FBLN5: variants seen among roughly 807,000 people sequenced by gnomAD.
FBLN5 encodes fibulin 5, also known as fibulin-5.
FBLN5 carries 24 observed loss-of-function variants against 61.6 expected under a neutral mutation model. That is an observed-to-expected ratio of 0.39 (90% CI 0.28 to 0.55). The LOEUF (loss-of-function observed/expected upper bound fraction) is 0.55. FBLN5 is among the 20% of genes least tolerant of loss of function. The pLI is 0.65. For missense variants in FBLN5, 470 were observed against 594.1 expected, an observed-to-expected ratio of 0.79 and a Z score of 2.17; for synonymous variants, 213 against 219.8, an observed-to-expected ratio of 0.97 and a Z score of 0.27.
At chr14:91,921,584 G>A (rs925200249) in intron 4 of FBLN5, among the ~76,000 whole-genome samples, 2 of 152,160 alleles carry the variant, frequency 1.3e-5, no homozygotes, top group Non-Finnish European at 1.5e-5. Context: ...TCAGAAACTC[G>A]GCAGCAATCT....
chr14:91,881,515 C>T (rs1185864023), intron 8 of FBLN5, 97 bp from the exon 9 acceptor site: 166 of 1,358,432 alleles, frequency 1.2e-4, no homozygotes. Context: ...CAGAGCTGTA[C>T]TATCCAATAT....
At chr14:91,925,606 T>C (rs2140030306) in intron 4 of FBLN5, among the ~76,000 whole-genome samples, 1 of 152,266 alleles carries the variant, frequency 6.6e-6, no homozygotes, top group African/African-American at 2.4e-5. Context: ...GTCTCCCCCA[T>C]GGCAGGAAAA....
At chr14:91,891,888 A>AAG (rs1318955236) in intron 5 of FBLN5, among the ~76,000 whole-genome samples, 2 of 152,226 alleles carry the variant, frequency 1.3e-5, no homozygotes, top group African/African-American at 4.8e-5. Context: ...TGTCAGGAAC[A>AAG]AGAGCCAGTT....
At chr14:91,898,796 C>CTTTTTTTTTTTTTTTT (rs35840279) in intron 4 of FBLN5, among the ~76,000 whole-genome samples, 1 of 84,242 alleles carries the variant, frequency 1.2e-5, no homozygotes, top group South Asian at 4.3e-4. Context: ...TTCATTCATT[C>CTTTTTTTTTTTTTTTT]TTTTTTTTTT....
Position 91,947,041 on chromosome 14 carries a change from A to T in FBLN5, c.17+172T>A. 1 of 1,535,026 alleles carries T rather than the reference A, an allele frequency of 6.5e-7. No individual in the cohort carries two copies. The highest frequency in any genetic ancestry group is 2.5e-5 in the East Asian group (1 of 40,802). On this transcript the variant is annotated intron_variant, in intron 1 of 10. Coordinates refer to ENST00000342058, the MANE Select transcript of FBLN5 (RefSeq NM_006329.4). This position sits in a 1 kb window ranked among gnomAD's most constrained non-coding sequence, Gnocchi z 4.3. ...TCCCAAAAGAACGCTTCAAGATGGAAATTACAGAGGCGCAGCTTTTTATAA... is the reference window on the plus strand; with the variant it reads ...TCCCAAAAGAACGCTTCAAGATGGATATTACAGAGGCGCAGCTTTTTATAA...
Position 91,937,069 on chromosome 14 carries a change from G to GTCGAGTAGGGGT in FBLN5, c.245_256dup (p.Asn82_Ser85dup). On this transcript the variant is annotated inframe_insertion, in exon 4 of 11. Coordinates refer to ENST00000342058, the MANE Select transcript of FBLN5 (RefSeq NM_006329.4). ...TGCTGGGTACGGACCTGAGTAGGGG[G>GTCGAGTAGGGGT]TCGAGTAGGGGTTCGAGTAGGGCCC... 1 of 1,613,974 alleles carries GTCGAGTAGGGGT rather than the reference G, an allele frequency of 6.2e-7. No individual in the cohort carries two copies.
intron 4 of FBLN5, among the ~76,000 whole-genome samples, chr14:91,929,627 T>C (rs2055890607): frequency 1.3e-5 from 2 of 152,262 alleles, no homozygotes; most frequent in Admixed American, 6.5e-5. Context: ...ATCATTTCTT[T>C]CCAGTTTGTG....
chr14:91,898,606 G>C (rs530010052), intron 4 of FBLN5, among the ~76,000 whole-genome samples: 2 of 152,028 alleles, frequency 1.3e-5, no homozygotes, highest in Admixed American at 1.3e-4. Context: ...TCTTTGGCAG[G>C]GCCTCCCTTT....
intron 4 of FBLN5, among the ~76,000 whole-genome samples, chr14:91,930,723 C>T (rs1306227961): frequency 2.0e-5 from 3 of 152,146 alleles, no homozygotes; most frequent in Non-Finnish European, 4.4e-5. Flanking sequence ...TTCCTACTTG[C>T]CCCGGCCTTT....
Position 91,894,936 on chromosome 14 carries a change from C to CA in FBLN5, c.502+13dup. On this transcript the variant is annotated intron_variant, in intron 5 of 10. Coordinates refer to ENST00000342058, the MANE Select transcript of FBLN5 (RefSeq NM_006329.4). ...CTTCCAAGAGTCCCTGTGACCCCCCCAGAGAGCTGTTACCTAAGCACTGGC... is the reference window on the plus strand; with the variant it reads ...CTTCCAAGAGTCCCTGTGACCCCCCCAAGAGAGCTGTTACCTAAGCACTGGC... 6.2e-7 allele frequency: 1 copy of CA among 1,613,478 alleles called. No homozygotes were observed. Among genetic ancestry groups the CA allele is most frequent in the Non-Finnish European group, 8.5e-7 (1 of 1,179,642 alleles).
intron 2 of FBLN5, among the ~76,000 whole-genome samples, chr14:91,941,806 T>C (rs2056109567): frequency 1.3e-5 from 2 of 152,042 alleles, no homozygotes; most frequent in Non-Finnish European, 2.9e-5. Context: ...TAGTTCAAAA[T>C]GGTGGTAAGG....
rs1044465 is a variant in FBLN5, at chr14:91,895,023, G to C, written c.429C>G (p.Ile143Met). The change falls in exon 5 of 11, where the codon ATC becomes ATG. Residue 143 changes from isoleucine to methionine, a missense_variant. Transcript: ENST00000342058. The stretch of plus-strand genomic sequence containing the variant: ...TGTACCCGCCTTCAGTATTGATGCA[G>C]ATCTGGGTGGGGTTGCACTGGTGGG... ...TDSHQCNPTQ[I>M]CINTEGGYTC... 6.2e-7 allele frequency: 1 copy of C among 1,614,028 alleles called. No individual in the cohort carries two copies. Among genetic ancestry groups the C allele is most frequent in the Non-Finnish European group, 8.5e-7 (1 of 1,179,998 alleles).
chr14:91,934,756 C>T (rs570124427), intron 4 of FBLN5, among the ~76,000 whole-genome samples: 118 of 152,128 alleles, frequency 7.8e-4, no homozygotes, highest in Admixed American at 1.4e-3. Context: ...TCTCAATGAT[C>T]CCCCCATCTG....
intron 4 of FBLN5, among the ~76,000 whole-genome samples, chr14:91,895,339 T>A (rs980111925): frequency 2.6e-5 from 4 of 152,246 alleles, no homozygotes; most frequent in African/African-American, 9.6e-5. Context: ...TGCCATCCTA[T>A]GCCATTGCTC....
intron 4 of FBLN5, among the ~76,000 whole-genome samples, chr14:91,924,672 A>C (rs1175923614): frequency 6.6e-6 from 1 of 152,206 alleles, no homozygotes; most frequent in African/African-American, 2.4e-5. Context: ...AAAGAAAAAA[A>C]AAATACAATG....
chr14:91,937,060 G>A lies in FBLN5; in HGVS notation c.266C>T (p.Ser89Leu), dbSNP rs936670983. The A allele has an allele frequency of 3.1e-6, 5 of 1,613,964 alleles. No homozygotes were observed. Among genetic ancestry groups the A allele is most frequent in the Non-Finnish European group, 4.2e-6 (5 of 1,179,944 alleles). The change falls in exon 4 of 11, where the codon TCA becomes TTA. Residue 89 changes from serine to leucine, a missense_variant. Physicochemically the swap from Ser to Leu is moderately radical, Grantham distance 145 (BLOSUM62 -2). Transcript: ENST00000342058. ...PYSNPYSTPY[S>L]GPYPAAAPPL... The stretch of plus-strand genomic sequence containing the variant: ...TGGGGCAGCTGCTGGGTACGGACCT[G>A]AGTAGGGGGTCGAGTAGGGGTTCGA...
chr14:91,881,869 G>T (rs1889492724), intron 8 of FBLN5, among the ~76,000 whole-genome samples: 1 of 151,570 alleles, frequency 6.6e-6, no homozygotes, highest in Non-Finnish European at 1.5e-5. Flanking sequence ...ATAATATTTT[G>T]GATATACTGC....
chr14:91,934,766 G>T (rs1308791369), intron 4 of FBLN5, among the ~76,000 whole-genome samples: 1 of 152,020 alleles, frequency 6.6e-6, no homozygotes, highest in Non-Finnish European at 1.5e-5. Context: ...CCCCCCATCT[G>T]GTTTCCTTCC....
chr14:91,873,865 G>C (rs1246375242), intron 10 of FBLN5: 1 of 152,312 alleles, frequency 6.6e-6, no homozygotes, highest in Non-Finnish European at 1.5e-5. Context: ...TAGCAGGCCA[G>C]CTTCCATGGG....
Sources: gnomAD v4.1 joint callset for allele counts (sites outside exome capture counted in the v4.1 genomes callset) on GRCh38, gnomAD v4.1.1 for gene constraint, Gnocchi (gnomAD v3.1) non-coding constraint, MANE v1.5 for transcripts, NCBI Gene and HGNC (gene_info 2026-07-23, HGNC 2026-07-21) for gene names.